UBA6: variants seen among roughly 807,000 people sequenced by gnomAD.
UBA6 encodes ubiquitin-like modifier-activating enzyme 6.
In UBA6, 87 loss-of-function variants were observed where a neutral mutation model predicts 148.3. That is an observed-to-expected ratio of 0.59 (90% CI 0.49 to 0.70). The LOEUF (loss-of-function observed/expected upper bound fraction) is 0.70, where lower values mean the gene tolerates loss of function less well. UBA6 is among the 30% of genes least tolerant of loss of function. The probability of loss-of-function intolerance (pLI) is 0.00; values close to 1 mark genes in which losing one functional copy is unlikely to be tolerated. For missense variants in UBA6, 1,186 were observed against 1,241.2 expected (o/e 0.96, Z 0.67); for synonymous variants, 376 against 401.0 (o/e 0.94, Z 0.75).
chr4:67,668,716 G>C (rs763095780), intron 8 of UBA6, 42 bp from the exon 9 acceptor site: 17 of 1,543,470 alleles, frequency 1.1e-5, no homozygotes, highest in Non-Finnish European at 1.1e-5. Flanking sequence ...CTTCTTTTTT[G>C]TATTCTTTGT....
intron 4 of UBA6, among the ~76,000 whole-genome samples, chr4:67,680,670 C>T (rs1730411084): frequency 6.6e-6 from 1 of 152,164 alleles, no homozygotes; most frequent in Admixed American, 6.6e-5. Flanking sequence ...ATGTTTCCTG[C>T]TTCATAGTAT....
At position 67,678,468 on chromosome 4, in the gene UBA6, A is replaced by C. The variant is rs1434288255; in HGVS notation, c.324T>G (p.Ser108Arg). The change falls in exon 5 of 33, where the codon AGT (serine) becomes AGG (arginine). Residue 108 changes from serine (S) to arginine (R), a missense_variant. Coordinates refer to ENST00000322244, the MANE Select transcript of UBA6 (RefSeq NM_018227.6). Reference sequence around the variant, plus strand: ...TTCTCTTATTAACAACATCATCTTCACTGAGAAAGAAGTTGGTTCCTAGAT... The same window carrying C: ...TTCTCTTATTAACAACATCATCTTCCCTGAGAAAGAAGTTGGTTCCTAGAT... ...AWDLGTNFFL[S>R]EDDVVNKRNR... 1 of 1,602,214 alleles carries C rather than the reference A, an allele frequency of 6.2e-7. No homozygotes were observed. The highest frequency in any genetic ancestry group is 8.5e-7 in the Non-Finnish European group (1 of 1,172,900).
rs1728664003 is a variant in UBA6, at chr4:67,617,974, A to G, written c.*1023T>C. On this transcript the variant is annotated 3_prime_UTR_variant, in exon 33 of 33. Coordinates refer to ENST00000322244, the MANE Select transcript of UBA6 (RefSeq NM_018227.6). ...TCTCAATAAAGACCTTAAAAAATAA[A>G]TTTTTATCTTCATTAACTCCCTTTC... 1 of 149,656 alleles carries G rather than the reference A, an allele frequency of 6.7e-6. No individual in the cohort carries two copies. Among genetic ancestry groups the G allele is most frequent in the Non-Finnish European group, 1.5e-5 (1 of 67,410 alleles). The allele number at this position is 149,656 out of a possible 1,614,324, so 9.3% of individuals were successfully genotyped here.
chr4:67,685,692 C>T (rs1392522920), intron 2 of UBA6, among the ~76,000 whole-genome samples: 1 of 152,012 alleles, frequency 6.6e-6, no homozygotes, highest in Non-Finnish European at 1.5e-5. Context: ...AGGGCTCTAC[C>T]CTCGTGAATT....
intron 4 of UBA6, 123 bp from the exon 5 acceptor site, chr4:67,678,656 G>A: frequency 2.2e-6 from 1 of 460,768 alleles, no homozygotes; most frequent in Non-Finnish European, 3.9e-6. Context: ...AGTAAACAAA[G>A]GCATAAGAAT....
At chr4:67,694,240 A>G (rs1469509256) in intron 2 of UBA6, among the ~76,000 whole-genome samples, 3 of 147,530 alleles carry the variant, frequency 2.0e-5, no homozygotes, top group African/African-American at 5.0e-5. Context: ...AAAAAAAAAA[A>G]AAAAGAAAAA....
intron 28 of UBA6, among the ~76,000 whole-genome samples, chr4:67,625,615 T>A (rs1191627342): frequency 2.0e-5 from 3 of 151,946 alleles, no homozygotes; most frequent in Non-Finnish European, 4.4e-5. Flanking sequence ...CAGGGTCAGT[T>A]GGTCAAATTA....
intron 6 of UBA6, among the ~76,000 whole-genome samples, chr4:67,676,316 G>C (rs1388484632): frequency 6.6e-6 from 1 of 152,112 alleles, no homozygotes; most frequent in African/African-American, 2.4e-5. Context: ...GAGCCACCGC[G>C]CCCAGCCTAT....
Position 67,635,552 on chromosome 4 carries a change from G to A in UBA6, c.1743C>T (p.Cys581=). ...CTAAAAGAGGCCTTAGATTTGCTAA[G>A]CAACGACTATTTGAAAAGACAGCAA... ...VEARRYVDSR[C]LANLRPLLDS... Residue 581 remains cysteine (C), a synonymous_variant, in exon 20 of 33, where the codon TGC becomes TGT. Coordinates refer to ENST00000322244, the MANE Select transcript of UBA6 (RefSeq NM_018227.6). 6.2e-7 allele frequency: 1 copy of A among 1,606,444 alleles called. No individual in the cohort carries two copies. Among genetic ancestry groups the A allele is most frequent in the Non-Finnish European group, 8.5e-7 (1 of 1,173,774 alleles).
At chr4:67,643,792 C>T (rs537259365) in intron 17 of UBA6, among the ~76,000 whole-genome samples, 1 of 152,146 alleles carries the variant, frequency 6.6e-6, no homozygotes, top group Non-Finnish European at 1.5e-5. Flanking sequence ...CAGTAGGTTT[C>T]TTCATTACAG....
intron 29 of UBA6, 59 bp from the exon 30 acceptor site, chr4:67,624,312 T>C: frequency 1.3e-6 from 2 of 1,489,524 alleles, no homozygotes; most frequent in Middle Eastern, 3.7e-4. Flanking sequence ...GTGATTTTAA[T>C]TGCATCTATT....
chr4:67,644,148 A>G (rs1204405307), intron 17 of UBA6, among the ~76,000 whole-genome samples: 4 of 152,092 alleles, frequency 2.6e-5, no homozygotes, highest in Non-Finnish European at 5.9e-5. Context: ...TTTATCTTAA[A>G]AGGCAAACAG....
In UBA6 at chr4:67,697,254, C is replaced by T. The variant is rs555179866; in HGVS notation, c.72-547G>A. ...TACTGACCTCAAGAGATCCACCCGCCTCAGCGTCCCAAAGTGCTAGGATTA... is the reference window on the plus strand; with the variant it reads ...TACTGACCTCAAGAGATCCACCCGCTTCAGCGTCCCAAAGTGCTAGGATTA... On this transcript the variant is annotated intron_variant, in intron 1 of 32. Transcript: ENST00000322244. Among the ~76,000 whole-genome samples, 14 of 152,354 alleles carry T rather than the reference C, an allele frequency of 9.2e-5. No individual in the cohort carries two copies. The South Asian group carries it at 2.9e-3, about 32-fold the overall frequency.
At chr4:67,697,149 G>A (rs1288211426) in intron 1 of UBA6, among the ~76,000 whole-genome samples, 1 of 152,160 alleles carries the variant, frequency 6.6e-6, no homozygotes, top group Non-Finnish European at 1.5e-5. Flanking sequence ...GGGACTACAA[G>A]TGCACACCAC....
At chr4:67,685,055 A>T (rs919441804) in intron 2 of UBA6, among the ~76,000 whole-genome samples, 5 of 152,184 alleles carry the variant, frequency 3.3e-5, no homozygotes, top group Non-Finnish European at 5.9e-5. Flanking sequence ...AGATTAAGAA[A>T]GCCAAATCAT....
rs549331369 is a variant in UBA6, at chr4:67,613,357, A to C, written c.*5640T>G. The C allele has an allele frequency of 4.6e-5, 7 of 152,336 alleles. No individual in the cohort carries two copies. The South Asian group carries it at 1.5e-3, about 32-fold the overall frequency. The allele number at this position is 152,336 out of a possible 1,614,324, so 9.4% of individuals were successfully genotyped here. ...AAGAATGAAGACTAGAACAAACAAA[A>C]TAAAAACAGACCCACAGGCGGGTTT... On this transcript the variant is annotated 3_prime_UTR_variant, in exon 33 of 33. Coordinates refer to ENST00000322244, the MANE Select transcript of UBA6 (RefSeq NM_018227.6).
intron 26 of UBA6, 60 bp from the exon 27 acceptor site, chr4:67,629,202 A>T (rs1299888074): frequency 9.0e-7 from 1 of 1,115,034 alleles, no homozygotes; most frequent in Non-Finnish European, 1.4e-6. Flanking sequence ...AAAGCTAAAA[A>T]TATCCTACAA....
chr4:67,621,530 C>T (rs1363321953), intron 32 of UBA6, among the ~76,000 whole-genome samples: 2 of 152,202 alleles, frequency 1.3e-5, no homozygotes, highest in Non-Finnish European at 2.9e-5. Flanking sequence ...GGGCCGGGCA[C>T]AGTGGCTCAC....
chr4:67,666,745 C>T (rs971338982), intron 9 of UBA6, among the ~76,000 whole-genome samples: 3 of 151,872 alleles, frequency 2.0e-5, no homozygotes, highest in African/African-American at 7.3e-5. Flanking sequence ...TGTGGTGGCA[C>T]ACACCCGTGG....
Sources: allele counts gnomAD v4.1 joint callset (sites outside exome capture counted in the v4.1 genomes callset), GRCh38; gene constraint gnomAD v4.1.1; transcripts MANE v1.5; gene names NCBI Gene and HGNC (gene_info 2026-07-23, HGNC 2026-07-21).